The following ABCD2 variants were observed in gnomAD, a reference collection of about 807,000 sequenced individuals.
The protein encoded by ABCD2 is ATP binding cassette subfamily D member 2.
In ABCD2, 36 loss-of-function variants were observed where a neutral mutation model predicts 70.9. The observed-to-expected ratio is 0.51, with a 90% CI of 0.39 to 0.67. ABCD2 has a LOEUF of 0.67. Ranked by LOEUF, ABCD2 falls within the 30% of genes least tolerant of loss-of-function variation. The probability of loss-of-function intolerance (pLI) is 0.00; values close to 1 mark genes in which losing one functional copy is unlikely to be tolerated. For missense variants in ABCD2, 729 were observed against 890.2 expected (o/e 0.82, Z 2.30); for synonymous variants, 304 against 306.9 (o/e 0.99, Z 0.10).
chr12:39,534,758 A>AAGAG, the ABCD2 span, among the ~76,000 whole-genome samples: 15 of 70,466 alleles, frequency 2.1e-4, no homozygotes, highest in African/African-American at 4.4e-4. Context: ...GAAAGAAAGA[A>AAGAG]AGAGAAAGAA....
At chr12:39,603,434 A>G (rs185731965) in intron 5 of ABCD2, among the ~76,000 whole-genome samples, 149 of 152,232 alleles carry the variant, frequency 9.8e-4, no homozygotes, top group African/African-American at 3.3e-3. Flanking sequence ...TAAAAACTAA[A>G]TTCCAATCCA....
chr12:39,572,776 G>A (rs941472882), intron 9 of ABCD2, among the ~76,000 whole-genome samples: 34 of 152,176 alleles, frequency 2.2e-4, no homozygotes, highest in African/African-American at 8.0e-4. Flanking sequence ...GCCACAGAAT[G>A]CTGCAGCCAG....
the ABCD2 span, among the ~76,000 whole-genome samples, chr12:39,541,724 T>G: frequency 6.6e-6 from 1 of 152,210 alleles, no homozygotes; most frequent in South Asian, 2.1e-4. Context: ...TATGCTCCTC[T>G]TAATAGCCCT....
downstream of ABCD2, among the ~76,000 whole-genome samples, chr12:39,547,164 A>C (rs1941033031): frequency 6.6e-6 from 1 of 152,030 alleles, no homozygotes; most frequent in Non-Finnish European, 1.5e-5. Context: ...CATTAGATTG[A>C]CTCCTATACA....
chr12:39,618,358 A>T (rs916761289), intron 1 of ABCD2, among the ~76,000 whole-genome samples: 5 of 152,206 alleles, frequency 3.3e-5, no homozygotes, highest in African/African-American at 1.2e-4. Context: ...ATGACCTACC[A>T]AGTTGGGATT....
Position 39,576,405 on chromosome 12 carries a change from C to T in ABCD2, c.1878-2564G>A, listed in dbSNP as rs1040896300. On this transcript the variant is annotated intron_variant, in intron 8 of 9. Coordinates refer to ENST00000308666, the MANE Select transcript of ABCD2 (RefSeq NM_005164.4). ...GGATCTCCTGTCCTCATGATCCACC[C>T]GCCTCGCCCTCCCGAAGTGCTGGGA... is the stretch of plus-strand genomic sequence containing the variant. 3.9e-5 allele frequency among the ~76,000 whole-genome samples: 6 copies of T among 152,150 alleles called. 1 individual carries two copies. The South Asian group carries it at 8.3e-4, about 21-fold the overall frequency.
At chr12:39,595,702 A>G (rs1941806615) in intron 6 of ABCD2, among the ~76,000 whole-genome samples, 1 of 152,240 alleles carries the variant, frequency 6.6e-6, no homozygotes, top group Non-Finnish European at 1.5e-5. Flanking sequence ...AAATAAACAA[A>G]TATTGAGCTG....
chr12:39,556,777 G>T (rs1020884059), intron 9 of ABCD2, among the ~76,000 whole-genome samples: 1 of 151,982 alleles, frequency 6.6e-6, no homozygotes, highest in African/African-American at 2.4e-5. Flanking sequence ...ATGAGGTCAG[G>T]AGTTCAAGAC....
At chr12:39,602,042 C>A (rs1941905174) in intron 5 of ABCD2, among the ~76,000 whole-genome samples, 1 of 151,626 alleles carries the variant, frequency 6.6e-6, no homozygotes, top group Admixed American at 6.6e-5. Context: ...TAATATTTTT[C>A]TCAGCATAAA....
the ABCD2 span, among the ~76,000 whole-genome samples, chr12:39,541,020 A>G: frequency 6.6e-6 from 1 of 152,366 alleles, no homozygotes; most frequent in East Asian, 1.9e-4. Context: ...CACTGTTTTC[A>G]TAAACAATTG....
intron 2 of ABCD2, 90 bp from the exon 3 acceptor site, chr12:39,607,804 G>GTTTTTT: frequency 1.2e-6 from 1 of 832,698 alleles, no homozygotes. Flanking sequence ...CTAAATTGTG[G>GTTTTTT]CTAAAACAAC....
At chr12:39,617,198 T>A (rs752546679) in intron 1 of ABCD2, 30 bp from the exon 2 acceptor site, 1 of 1,469,300 alleles carries the variant, frequency 6.8e-7, no homozygotes, top group Non-Finnish European at 9.1e-7. Flanking sequence ...TTGAGGACTT[T>A]TTTTAAAGAT....
intron 7 of ABCD2, among the ~76,000 whole-genome samples, chr12:39,583,775 A>G (rs1446785107): frequency 6.6e-6 from 1 of 152,168 alleles, no homozygotes; most frequent in Non-Finnish European, 1.5e-5. Flanking sequence ...TACAGTAAGT[A>G]TATGGTTTTC....
At chr12:39,585,741 T>A in intron 7 of ABCD2, among the ~76,000 whole-genome samples, 1 of 152,114 alleles carries the variant, frequency 6.6e-6, no homozygotes, top group East Asian at 1.9e-4. Flanking sequence ...ACTGGTCAGA[T>A]TGTGGGTCTG....
intron 6 of ABCD2, among the ~76,000 whole-genome samples, chr12:39,594,584 A>G (rs1241461514): frequency 6.6e-6 from 1 of 152,206 alleles, no homozygotes; most frequent in Non-Finnish European, 1.5e-5. Flanking sequence ...GAAAATATAG[A>G]TATCAATTAA....
chr12:39,603,584 T>C (rs1376045230), intron 5 of ABCD2, among the ~76,000 whole-genome samples: 4 of 152,048 alleles, frequency 2.6e-5, no homozygotes, highest in Non-Finnish European at 5.9e-5. Context: ...CAGTATTGGC[T>C]TTTTAAAAAA....
the ABCD2 span, among the ~76,000 whole-genome samples, chr12:39,544,235 C>T: frequency 6.6e-6 from 1 of 152,008 alleles, no homozygotes; most frequent in South Asian, 2.1e-4. Flanking sequence ...GGGTGGGGGC[C>T]ACGAGATCAG....
Position 39,569,480 on chromosome 12 carries a change from C to T in ABCD2, c.2003+4236G>A, listed in dbSNP as rs573847777. Reference sequence around the variant, plus strand: ...GTTTGCTAGGACTGTTGGAAAAGCGCAGTATTAGGGTGGGAGTGACCCGAT... The same window carrying T: ...GTTTGCTAGGACTGTTGGAAAAGCGTAGTATTAGGGTGGGAGTGACCCGAT... On this transcript the variant is annotated intron_variant, in intron 9 of 9. Coordinates refer to ENST00000308666, the MANE Select transcript of ABCD2 (RefSeq NM_005164.4). 9.2e-5 allele frequency among the ~76,000 whole-genome samples: 14 copies of T among 152,280 alleles called. No homozygotes were observed. The East Asian group carries it at 1.5e-3, about 17-fold the overall frequency.
chr12:39,591,897 A>C (rs1291792095), intron 6 of ABCD2, among the ~76,000 whole-genome samples: 1 of 152,214 alleles, frequency 6.6e-6, no homozygotes, highest in Non-Finnish European at 1.5e-5. Context: ...TAGTACTCAT[A>C]AAATGAGAAA....
Sources: allele counts gnomAD v4.1 joint callset (sites outside exome capture counted in the v4.1 genomes callset), GRCh38; gene constraint gnomAD v4.1.1; transcripts MANE v1.5; gene names NCBI Gene and HGNC (gene_info 2026-07-23, HGNC 2026-07-21).